ITPR2: variants seen among roughly 807,000 people sequenced by gnomAD.
ITPR2 encodes the protein inositol 1,4,5-trisphosphate-gated calcium channel ITPR2.
Under a neutral mutation model 317.1 loss-of-function variants are expected in ITPR2, and 207 were observed. That is an observed-to-expected ratio of 0.65 (90% CI 0.58 to 0.73). The LOEUF is 0.73. Ranked by LOEUF, ITPR2 falls within the 30% of genes least tolerant of loss-of-function variation. ITPR2 has a pLI of 0.00. For synonymous variants in ITPR2, 1,156 were observed against 1,149.1 expected (o/e 1.01, Z -0.12); for missense variants, 2,613 against 3,284.0 (o/e 0.80, Z 4.99).
chr12:26,516,310 A>AGGAAAGGAAG lies in ITPR2; in HGVS notation c.5074-21051_5074-21050insCTTCCTTTCC, dbSNP rs1363551451. Among the ~76,000 whole-genome samples the AGGAAAGGAAG allele has an allele frequency of 1.3e-3, 163 of 125,072 alleles. 2 individuals carry two copies. Among genetic ancestry groups the AGGAAAGGAAG allele is most frequent in the Middle Eastern group, 4.0e-3 (1 of 252 alleles). 82.1% of individuals were successfully genotyped at this position (125,072 alleles called of 152,430 possible). A position where few individuals can be genotyped will look rare whatever the true frequency, so the allele number is the denominator to read the frequency against. On this transcript the variant is annotated intron_variant, in intron 37 of 56. Coordinates refer to ENST00000381340, the MANE Select transcript of ITPR2 (RefSeq NM_002223.4). ...GGGAAAGGAAAGGAAAGGAAAGGAAAGGAAAGGAAAGGAAAGGAAAGGAAA... is the reference window on the plus strand; with the variant it reads ...GGGAAAGGAAAGGAAAGGAAAGGAAAGGAAAGGAAGGGAAAGGAAAGGAAAGGAAAGGAAA...
intron 32 of ITPR2, among the ~76,000 whole-genome samples, chr12:26,593,412 T>C (rs1048383344): frequency 2.0e-5 from 3 of 152,176 alleles, no homozygotes; most frequent in Non-Finnish European, 4.4e-5. Context: ...ATAACTTGAA[T>C]TTGAAAGTTT....
At chr12:26,516,300 A>AGGAAAGGAAAGGAAGGGAAGGGAAG (rs1943508409) in intron 37 of ITPR2, among the ~76,000 whole-genome samples, 1 of 67,396 alleles carries the variant, frequency 1.5e-5, no homozygotes, top group Admixed American at 1.9e-4. Flanking sequence ...AGGAAAGGAA[A>AGGAAAGGAAAGGAAGGGAAGGGAAG]GGAAAGGAAA....
At chr12:26,656,718 A>G (rs1231791176) in intron 18 of ITPR2, among the ~76,000 whole-genome samples, 170 bp from the exon 19 acceptor site, 1 of 152,218 alleles carries the variant, frequency 6.6e-6, no homozygotes, top group Non-Finnish European at 1.5e-5. Flanking sequence ...ATGACAAGAC[A>G]TATATGAAAC....
At chr12:26,776,180 G>A (rs183675823) in intron 2 of ITPR2, among the ~76,000 whole-genome samples, 66 of 151,992 alleles carry the variant, frequency 4.3e-4, no homozygotes, top group African/African-American at 1.5e-3. Context: ...AAAGAGTTAC[G>A]CAAAATAAAC....
chr12:26,712,567 C>A (rs1477508801), intron 8 of ITPR2, among the ~76,000 whole-genome samples: 1 of 152,072 alleles, frequency 6.6e-6, no homozygotes, highest in African/African-American at 2.4e-5. Flanking sequence ...AGTGTTTGAA[C>A]TCTTAAACCT....
intron 12 of ITPR2, among the ~76,000 whole-genome samples, chr12:26,682,246 AC>A (rs1948048562): frequency 6.6e-6 from 1 of 152,146 alleles, no homozygotes; most frequent in African/African-American, 2.4e-5. Flanking sequence ...CCCACTGGAA[AC>A]TTCTCCCTTT....
intron 37 of ITPR2, among the ~76,000 whole-genome samples, chr12:26,503,819 A>G (rs1205686532): frequency 6.6e-6 from 1 of 152,258 alleles, no homozygotes; most frequent in African/African-American, 2.4e-5. Context: ...AAAGGAAAGC[A>G]TTAATAAGTT....
intron 21 of ITPR2, among the ~76,000 whole-genome samples, chr12:26,652,146 T>C (rs1253345068): frequency 6.6e-6 from 1 of 152,220 alleles, no homozygotes; most frequent in Non-Finnish European, 1.5e-5. Flanking sequence ...CGATCCCTTT[T>C]CTCTTCCCCA....
intron 21 of ITPR2, among the ~76,000 whole-genome samples, chr12:26,641,030 G>C (rs1263171410): frequency 6.6e-6 from 1 of 152,166 alleles, no homozygotes. Context: ...TAAAGAAGTA[G>C]AGTATGTGAT....
At chr12:26,439,449 T>C (rs1383511178) in intron 46 of ITPR2, 130 bp from the exon 47 acceptor site, 6 of 608,680 alleles carry the variant, frequency 9.9e-6, no homozygotes, top group East Asian at 5.9e-5. Context: ...CAACTTGAAG[T>C]ATCTGAAAGA....
intron 34 of ITPR2, among the ~76,000 whole-genome samples, chr12:26,574,226 A>G (rs1479729343): frequency 1.3e-5 from 2 of 152,150 alleles, no homozygotes; most frequent in Non-Finnish European, 2.9e-5. Flanking sequence ...AAAAAAAAAA[A>G]AAAACAGCCT....
intron 55 of ITPR2, among the ~76,000 whole-genome samples, chr12:26,343,661 T>A (rs1194181954): frequency 6.6e-6 from 1 of 152,212 alleles, no homozygotes; most frequent in Admixed American, 6.5e-5. Context: ...TTGGGGTAGA[T>A]GAGGAGGCTG....
intron 1 of ITPR2, among the ~76,000 whole-genome samples, chr12:26,808,804 T>C (rs1314782809): frequency 3.3e-5 from 5 of 152,230 alleles, no homozygotes; most frequent in Admixed American, 3.3e-4. Flanking sequence ...AAAATGATTA[T>C]GGAAATTCTG....
At chr12:26,533,169 T>A (rs1943991027) in intron 37 of ITPR2, among the ~76,000 whole-genome samples, 1 of 152,182 alleles carries the variant, frequency 6.6e-6, no homozygotes, top group African/African-American at 2.4e-5. Context: ...AATTTTCAAA[T>A]TTTCCCACTT....
chr12:26,510,677 A>T (rs1943320781), intron 37 of ITPR2, among the ~76,000 whole-genome samples: 1 of 152,230 alleles, frequency 6.6e-6, no homozygotes, highest in South Asian at 2.1e-4. Flanking sequence ...AAGAACACAA[A>T]TTGTTTTAAT....
chr12:26,684,204 C>T (rs757074088), intron 11 of ITPR2, among the ~76,000 whole-genome samples: 1 of 152,230 alleles, frequency 6.6e-6, no homozygotes, highest in Non-Finnish European at 1.5e-5. Context: ...CAGTTGTCAT[C>T]AGGTCCCCTG....
In ITPR2 at chr12:26,569,325, G is replaced by A. The variant is rs935671084; in HGVS notation, c.4631-7373C>T. On this transcript the variant is annotated intron_variant, in intron 34 of 56. Transcript: ENST00000381340. ...TCCCAACAATTAGGGAGGTCAAGGC[G>A]GGTGGATTGATTGAGCCCAGAAATT... Among the ~76,000 whole-genome samples the A allele has an allele frequency of 4.6e-5, 7 of 152,038 alleles. 1 individual carries two copies. Among genetic ancestry groups the A allele is most frequent in the South Asian group, 2.1e-4 (1 of 4,832 alleles).
intron 1 of ITPR2, among the ~76,000 whole-genome samples, chr12:26,812,288 C>A (rs955627859): frequency 6.6e-6 from 1 of 151,758 alleles, no homozygotes; most frequent in Non-Finnish European, 1.5e-5. Context: ...TTAAAAAAAA[C>A]CTAATACGGC....
chr12:26,485,810 T>C (rs528006597), intron 41 of ITPR2, among the ~76,000 whole-genome samples: 2 of 152,310 alleles, frequency 1.3e-5, no homozygotes, highest in East Asian at 3.9e-4. Context: ...AATATAACCT[T>C]ACCAGAGAAT....
Sources: allele counts gnomAD v4.1 joint callset (sites outside exome capture counted in the v4.1 genomes callset), GRCh38; gene constraint gnomAD v4.1.1; transcripts MANE v1.5; gene names NCBI Gene and HGNC (gene_info 2026-07-23, HGNC 2026-07-21).